DPP10: variants seen among roughly 807,000 people sequenced by gnomAD.
The protein encoded by DPP10 is inactive dipeptidyl peptidase 10.
DPP10 carries 33 observed loss-of-function variants against 120.9 expected under a neutral mutation model. That is an observed-to-expected ratio of 0.27 (90% confidence interval 0.21 to 0.37). The LOEUF is 0.37. Ranked by LOEUF, DPP10 falls within the 10% of genes least tolerant of loss-of-function variation. The pLI is 1.00. For missense variants in DPP10, 816 were observed against 942.8 expected (o/e 0.87, Z 1.76); for synonymous variants, 337 against 326.1 (o/e 1.03, Z -0.36).
chr2:114,782,421 AAGTC>A (rs780924174), intron 1 of DPP10, among the ~76,000 whole-genome samples: 8 of 151,932 alleles, frequency 5.3e-5, no homozygotes, highest in Non-Finnish European at 8.8e-5. Flanking sequence ...CTTTTACAAA[AAGTC>A]AGAGTGAGAA....
chr2:115,578,620 T>TA (rs2081828814), intron 5 of DPP10, among the ~76,000 whole-genome samples: 1 of 152,206 alleles, frequency 6.6e-6, no homozygotes, highest in South Asian at 2.1e-4. Context: ...GCCACCTGGA[T>TA]AAAACAAGTC....
intron 1 of DPP10, among the ~76,000 whole-genome samples, chr2:114,807,493 AACTT>A (rs1400175411): frequency 1.3e-5 from 2 of 152,200 alleles, no homozygotes; most frequent in Non-Finnish European, 2.9e-5. Context: ...TGAATACTAG[AACTT>A]ACTTCTATGT....
chr2:115,795,477 A>G (rs1684433115), intron 19 of DPP10, among the ~76,000 whole-genome samples: 1 of 152,090 alleles, frequency 6.6e-6, no homozygotes, highest in Non-Finnish European at 1.5e-5. Flanking sequence ...TCATCCATCA[A>G]GTCTTATCTT....
At chr2:115,775,076 G>C (rs561623607) in intron 13 of DPP10, among the ~76,000 whole-genome samples, 1 of 151,836 alleles carries the variant, frequency 6.6e-6, no homozygotes, top group Non-Finnish European at 1.5e-5. Flanking sequence ...AACTAAATGA[G>C]AATACTACAT....
At chr2:115,478,170 G>A (rs2105241531) in intron 3 of DPP10, among the ~76,000 whole-genome samples, 1 of 152,218 alleles carries the variant, frequency 6.6e-6, no homozygotes, top group South Asian at 2.1e-4. Context: ...GATTGGGAGG[G>A]GAGAAACAGC....
At chr2:114,463,534 TA>T (rs1679102620) in intron 1 of DPP10, 1 of 152,180 alleles carries the variant, frequency 6.6e-6, no homozygotes, top group East Asian at 1.9e-4. Context: ...CAAAGTTACT[TA>T]GGTCAACAGT....
At chr2:114,713,058 C>T (rs1701128311) in intron 1 of DPP10, among the ~76,000 whole-genome samples, 1 of 148,168 alleles carries the variant, frequency 6.7e-6, no homozygotes, top group Admixed American at 6.9e-5. Context: ...GTGATCTCAG[C>T]TCACTGCAAC....
intron 1 of DPP10, among the ~76,000 whole-genome samples, chr2:114,860,268 T>C (rs777565406): frequency 1.3e-5 from 2 of 152,206 alleles, no homozygotes; most frequent in African/African-American, 2.4e-5. Flanking sequence ...ACACCACTAC[T>C]AGTTACACTA....
rs1300875056 is a variant in DPP10, at chr2:115,201,418, A to G, written c.61-107821A>G. On this transcript the variant is annotated intron_variant, in intron 1 of 25. Coordinates refer to ENST00000410059, the MANE Select transcript of DPP10 (RefSeq NM_020868.6). ...GCAGAGGCTGCAGTGAGTTGAGATC[A>G]TACCACTGCCCTCAAGCCTGGGCTA... Among the ~76,000 whole-genome samples, 3 of 152,302 alleles carry G rather than the reference A, an allele frequency of 2.0e-5. No homozygotes were observed. The East Asian group carries it at 5.8e-4, about 29-fold the overall frequency.
intron 1 of DPP10, chr2:114,462,091 C>A: frequency 1.0e-6 from 1 of 985,288 alleles, no homozygotes; most frequent in Non-Finnish European, 1.2e-6. Context: ...ATGATCAATG[C>A]AAATGGATAT....
intron 1 of DPP10, among the ~76,000 whole-genome samples, chr2:115,019,680 A>G (rs554611533): frequency 2.0e-3 from 301 of 152,340 alleles, no homozygotes; most frequent in Non-Finnish European, 3.6e-3. Flanking sequence ...TGGGAAATTC[A>G]TTGCAAAAAG....
At chr2:114,849,125 C>T (rs557263634) in intron 1 of DPP10, among the ~76,000 whole-genome samples, 1 of 152,234 alleles carries the variant, frequency 6.6e-6, no homozygotes, top group African/African-American at 2.4e-5. Flanking sequence ...TTACTTTTGC[C>T]TCCTCAGCCC....
At chr2:115,175,348 T>C (rs985419668) in intron 1 of DPP10, among the ~76,000 whole-genome samples, 1 of 152,090 alleles carries the variant, frequency 6.6e-6, no homozygotes, top group African/African-American at 2.4e-5. Context: ...GTATGCTCTG[T>C]CTTGAGAACC....
chr2:115,225,777 A>T (rs1020164030), intron 1 of DPP10, among the ~76,000 whole-genome samples: 1 of 151,778 alleles, frequency 6.6e-6, no homozygotes, highest in African/African-American at 2.4e-5. Flanking sequence ...GCATATATTG[A>T]TTTTTGTGGG....
At chr2:115,037,803 TAG>T (rs2105280945) in intron 1 of DPP10, among the ~76,000 whole-genome samples, 1 of 152,304 alleles carries the variant, frequency 6.6e-6, no homozygotes, top group South Asian at 2.1e-4. Flanking sequence ...ATATCCAAAT[TAG>T]AGTCTTTTAA....
At chr2:115,038,623 A>G (rs968455959) in intron 1 of DPP10, among the ~76,000 whole-genome samples, 1 of 152,170 alleles carries the variant, frequency 6.6e-6, no homozygotes, top group Non-Finnish European at 1.5e-5. Flanking sequence ...GGATTTAGAT[A>G]GTATTTAAAA....
intron 1 of DPP10, among the ~76,000 whole-genome samples, chr2:114,860,534 AT>A (rs1448945976): frequency 6.6e-6 from 1 of 152,192 alleles, no homozygotes; most frequent in Non-Finnish European, 1.5e-5. Flanking sequence ...TTGTAAAGGC[AT>A]TTTTGTATAA....
intron 1 of DPP10, among the ~76,000 whole-genome samples, chr2:114,896,660 A>G (rs931106630): frequency 6.6e-6 from 1 of 152,204 alleles, no homozygotes; most frequent in Non-Finnish European, 1.5e-5. Flanking sequence ...TTTTCTAGAT[A>G]TACAATCATG....
At chr2:114,813,196 G>A (rs1305456479) in intron 1 of DPP10, among the ~76,000 whole-genome samples, 1 of 152,052 alleles carries the variant, frequency 6.6e-6, no homozygotes, top group Non-Finnish European at 1.5e-5. Context: ...TTGATAATGA[G>A]TGAGCACTCT....
Sources: allele counts gnomAD v4.1 joint callset (sites outside exome capture counted in the v4.1 genomes callset), GRCh38; gene constraint gnomAD v4.1.1; transcripts MANE v1.5; gene names NCBI Gene and HGNC (gene_info 2026-07-23, HGNC 2026-07-21).